The following ZCCHC14 variants were observed in gnomAD, a reference collection of about 807,000 sequenced individuals.
The protein encoded by ZCCHC14 is zinc finger CCHC-type containing 14, also known as zinc finger CCHC domain-containing protein 14.
In ZCCHC14, 16 loss-of-function variants were observed where a neutral mutation model predicts 85.0. The ratio of observed to expected loss-of-function variants is 0.19; its 90% CI spans 0.13 to 0.29. The LOEUF (loss-of-function observed/expected upper bound fraction) is 0.29, where lower values mean the gene tolerates loss of function less well. Ranked by LOEUF, ZCCHC14 falls within the 10% of genes least tolerant of loss-of-function variation. The probability of loss-of-function intolerance (pLI) is 1.00; values close to 1 mark genes in which losing one functional copy is unlikely to be tolerated. For synonymous variants in ZCCHC14, 775 were observed against 630.7 expected, an observed-to-expected ratio of 1.23 and a Z score of -3.43; for missense variants, 1,303 against 1,443.5, an observed-to-expected ratio of 0.90 and a Z score of 1.58.
At chr16:87,434,233 A>G (rs1406401991) in intron 2 of ZCCHC14, among the ~76,000 whole-genome samples, 2 of 152,198 alleles carry the variant, frequency 1.3e-5, no homozygotes, top group African/African-American at 4.8e-5. Context: ...ATGAGCCCAA[A>G]TATCTGCTCA....
chr16:87,488,828 T>G (rs1295057604), intron 1 of ZCCHC14, among the ~76,000 whole-genome samples: 1 of 152,246 alleles, frequency 6.6e-6, no homozygotes, highest in African/African-American at 2.4e-5. Context: ...TCTGCCCACC[T>G]TGACCTCCCA....
At chr16:87,486,546 C>T (rs563705433) in intron 1 of ZCCHC14, among the ~76,000 whole-genome samples, 1 of 152,336 alleles carries the variant, frequency 6.6e-6, no homozygotes, top group South Asian at 2.1e-4. Flanking sequence ...ACGCTTTTCT[C>T]AGAACGTATC....
Position 87,411,757 on chromosome 16 carries a change from G to C in ZCCHC14, c.2964C>G (p.His988Gln). 1 of 1,612,872 alleles carries C rather than the reference G, an allele frequency of 6.2e-7. No homozygotes were observed. The highest frequency in any genetic ancestry group is 8.5e-7 in the Non-Finnish European group (1 of 1,179,582). Residue 988 changes from histidine to glutamine, a missense_variant, in exon 12 of 13, where the codon CAC (histidine) becomes CAG (glutamine). This residue lies in a region of ZCCHC14 where 797 missense variants were observed against 730.8 expected (regional missense o/e 1.09). Coordinates refer to ENST00000671377, the MANE Select transcript of ZCCHC14 (RefSeq NM_015144.3). Reference sequence around the variant, plus strand: ...GGGTCCCGCTGCTGCTGTAAGGGGCGTGCACGACGGGGAAGGTGGAGCCGC... The same window carrying C: ...GGGTCCCGCTGCTGCTGTAAGGGGCCTGCACGACGGGGAAGGTGGAGCCGC... ...YGGGSTFPVV[H>Q]APYSSSGTPD...
intron 4 of ZCCHC14, among the ~76,000 whole-genome samples, chr16:87,423,506 G>A (rs903319953): frequency 1.3e-5 from 2 of 152,198 alleles, no homozygotes; most frequent in East Asian, 3.9e-4. Flanking sequence ...AGGAAACCTG[G>A]GGGACTGAAA....
chr16:87,448,327 T>C (rs1389034935), intron 2 of ZCCHC14, among the ~76,000 whole-genome samples: 3 of 152,232 alleles, frequency 2.0e-5, no homozygotes, highest in African/African-American at 7.2e-5. Flanking sequence ...AGGTGAAATC[T>C]GTTTTGTTGT....
intron 3 of ZCCHC14, among the ~76,000 whole-genome samples, chr16:87,424,141 G>A (rs185174615): frequency 6.6e-6 from 1 of 152,352 alleles, no homozygotes; most frequent in East Asian, 1.9e-4. Flanking sequence ...GTCTACAGCT[G>A]CCTCCTGTAA....
chr16:87,480,297 G>GA, intron 1 of ZCCHC14, among the ~76,000 whole-genome samples: 1 of 152,188 alleles, frequency 6.6e-6, no homozygotes, highest in East Asian at 2.0e-4. Context: ...CAGCTACTCA[G>GA]GAGGCTGAGG....
chr16:87,438,599 A>G (rs1332965586), intron 2 of ZCCHC14, among the ~76,000 whole-genome samples: 1 of 152,226 alleles, frequency 6.6e-6, no homozygotes, highest in Non-Finnish European at 1.5e-5. Context: ...AGTAGCTTAA[A>G]AGGGCCAATA....
At position 87,477,079 on chromosome 16, in the gene ZCCHC14, C is replaced by T. The variant is rs1007666284; in HGVS notation, c.570+14590G>A. ...GGCAGAGGTTGCAGTGAGCCAAGAT[C>T]GCTACATTGTACTCTAGCCTGACAG... On this transcript the variant is annotated intron_variant, in intron 1 of 12. Transcript: ENST00000671377. Among the ~76,000 whole-genome samples, 18 of 128,928 alleles carry T rather than the reference C, an allele frequency of 1.4e-4. 1 individual carries two copies. The highest frequency in any genetic ancestry group is 5.2e-4 in the African/African-American group (17 of 32,856). The allele number at this position is 128,928 out of a possible 152,430, so 84.6% of individuals were successfully genotyped here. A position where few individuals can be genotyped will look rare whatever the true frequency, so the allele number is the denominator to read the frequency against.
chr16:87,481,634 G>C (rs970174010), intron 1 of ZCCHC14, among the ~76,000 whole-genome samples: 1 of 148,238 alleles, frequency 6.7e-6, no homozygotes, highest in African/African-American at 2.5e-5. Flanking sequence ...AGGGAACACT[G>C]AACCGGGGCT....
At chr16:87,422,887 G>A (rs563950286) in intron 4 of ZCCHC14, among the ~76,000 whole-genome samples, 2 of 148,358 alleles carry the variant, frequency 1.3e-5, no homozygotes, top group African/African-American at 5.2e-5. Flanking sequence ...AAACACTACA[G>A]AGGGAAAAGC....
intron 3 of ZCCHC14, among the ~76,000 whole-genome samples, chr16:87,431,167 G>A (rs1909637475): frequency 6.8e-6 from 1 of 147,212 alleles, no homozygotes; most frequent in Admixed American, 6.9e-5. Context: ...AAAGAAATGA[G>A]AAAGGAAAGG....
chr16:87,437,405 G>C (rs12918310), intron 2 of ZCCHC14, among the ~76,000 whole-genome samples: 25,944 of 149,886 alleles, frequency 0.17, 3,096 homozygotes, highest in South Asian at 0.62. Context: ...AGAGAGCAGA[G>C]CCAGAGGGAC....
chr16:87,465,153 T>G (rs1911461403), intron 1 of ZCCHC14, among the ~76,000 whole-genome samples: 1 of 152,230 alleles, frequency 6.6e-6, no homozygotes, highest in Non-Finnish European at 1.5e-5. Context: ...AGCGCCCCTG[T>G]GCCTTCCCAT....
intron 3 of ZCCHC14, 100 bp from the exon 4 acceptor site, chr16:87,423,981 C>A: frequency 7.6e-7 from 1 of 1,321,878 alleles, no homozygotes; most frequent in Admixed American, 2.1e-5. Flanking sequence ...CAGTCGGCAG[C>A]TGAGCCCAGT....
intron 2 of ZCCHC14, among the ~76,000 whole-genome samples, chr16:87,446,679 G>C (rs974090012): frequency 6.6e-6 from 1 of 152,048 alleles, no homozygotes; most frequent in African/African-American, 2.4e-5. Context: ...TTATAGCTGA[G>C]GTCAGCAAAC....
At chr16:87,479,374 A>T (rs1231436748) in intron 1 of ZCCHC14, among the ~76,000 whole-genome samples, 1 of 150,750 alleles carries the variant, frequency 6.6e-6, no homozygotes, top group Non-Finnish European at 1.5e-5. Flanking sequence ...CTGAGATCGC[A>T]CCATTGCACT....
rs763566387 is a variant in ZCCHC14 at position 87,411,748 on chromosome 16, G to A, written c.2973C>T (p.Tyr991=). ...GSTFPVVHAP[Y]SSSGTPDPVL... ...CAGGGTCTGGGGTCCCGCTGCTGCT[G>A]TAAGGGGCGTGCACGACGGGGAAGG... Residue 991 remains tyrosine, a synonymous_variant, in exon 12 of 13, where the codon TAC becomes TAT. Coordinates refer to ENST00000671377, the MANE Select transcript of ZCCHC14 (RefSeq NM_015144.3). The A allele has an allele frequency of 1.2e-6, 2 of 1,612,770 alleles. No individual in the cohort carries two copies. The highest frequency in any genetic ancestry group is 1.7e-4 in the Middle Eastern group (1 of 6,046).
At chr16:87,410,950 G>T (rs569833108) in intron 12 of ZCCHC14, among the ~76,000 whole-genome samples, 6 of 152,194 alleles carry the variant, frequency 3.9e-5, no homozygotes, top group Non-Finnish European at 7.3e-5. Context: ...CCAGTCCCCC[G>T]TTTCCAAAAC....
Sources: gnomAD v4.1 joint callset for allele counts (sites outside exome capture counted in the v4.1 genomes callset) on GRCh38, gnomAD v4.1.1 for gene constraint, gnomAD v4.1.1 regional missense constraint, MANE v1.5 for transcripts, NCBI Gene and HGNC (gene_info 2026-07-23, HGNC 2026-07-21) for gene names.